COL23A1: variants seen among roughly 807,000 people sequenced by gnomAD.
COL23A1 encodes the protein collagen type XXIII alpha 1 chain, also known as collagen alpha-1(XXIII) chain.
In COL23A1, 97 loss-of-function variants were observed where a neutral mutation model predicts 99.3. That is an observed-to-expected ratio of 0.98 (90% CI 0.83 to 1.16). The LOEUF is 1.16. COL23A1 is among the 50% of genes most tolerant of loss of function. COL23A1 has a pLI of 0.00. For missense variants in COL23A1, 762 were observed against 757.4 expected (o/e 1.01, Z -0.07); for synonymous variants, 320 against 308.2 (o/e 1.04, Z -0.40).
In COL23A1 at chr5:178,589,816, A is replaced by G; in HGVS notation, c.294+88T>C. 8.6e-7 allele frequency: 1 copy of G among 1,168,422 alleles called. No homozygotes were observed. The highest frequency in any genetic ancestry group is 1.1e-6 in the Non-Finnish European group (1 of 930,644). The allele number at this position is 1,168,422 out of a possible 1,614,324, so 72.4% of individuals were successfully genotyped here. A position where few individuals can be genotyped will look rare whatever the true frequency, so the allele number is the denominator to read the frequency against. ...CCGGCGGGCGACCCTCCTCCCAGAGACCTGCACGCTGCCCCCGGCTCCCAG... is the reference window on the plus strand; with the variant it reads ...CCGGCGGGCGACCCTCCTCCCAGAGGCCTGCACGCTGCCCCCGGCTCCCAG... On this transcript the variant is annotated intron_variant, in intron 1 of 28. Transcript: ENST00000390654. The surrounding 1 kb of genome is among the most constrained non-coding windows in gnomAD (Gnocchi z 5.4).
chr5:178,322,585 G>A (rs898186291), intron 2 of COL23A1, among the ~76,000 whole-genome samples: 3 of 45,680 alleles, frequency 6.6e-5, no homozygotes, highest in African/African-American at 3.6e-4. Flanking sequence ...GCTGCCAAAC[G>A]AGCTGGCTCC....
chr5:178,371,712 C>T (rs1162548025), intron 2 of COL23A1, among the ~76,000 whole-genome samples: 1 of 152,200 alleles, frequency 6.6e-6, no homozygotes, highest in South Asian at 2.1e-4. Context: ...GGTCCCTCTT[C>T]CCGATGGTGA....
rs115637312 is a variant in COL23A1 at position 178,366,370 on chromosome 5, G to A, written c.362-59451C>T. On this transcript the variant is annotated intron_variant, in intron 2 of 28. Coordinates refer to ENST00000390654, the MANE Select transcript of COL23A1 (RefSeq NM_173465.4). The surrounding 1 kb of genome is among the most constrained non-coding windows in gnomAD (Gnocchi z 4.4). ...TTAGCTTGACTCCAGGTGCCCTGCT[G>A]GTGTGGCTCCACCTGGTCGCTGGGG... Among the ~76,000 whole-genome samples, 724 of 152,326 alleles carry A rather than the reference G, an allele frequency of 4.8e-3. 6 individuals carry two copies. Among genetic ancestry groups the A allele is most frequent in the African/African-American group, 0.013 (559 of 41,574 alleles).
In COL23A1 at chr5:178,257,522, C is replaced by T. The variant is rs74604964; in HGVS notation, c.774+1G>A. 1 of 1,566,692 alleles carries T rather than the reference C, an allele frequency of 6.4e-7. No individual in the cohort carries two copies. Among genetic ancestry groups the T allele is most frequent in the Non-Finnish European group, 8.7e-7 (1 of 1,155,332 alleles). On this transcript the variant is annotated splice_donor_variant, in intron 13 of 28. Transcript: ENST00000390654. LOFTEE classifies it high-confidence loss of function. ...CCACGAGAGGAGGGGCAGATACTCA[C>T]CTTGGGCCCTGGTGGTCCAGGCTGG...
At chr5:178,247,648 T>G in intron 21 of COL23A1, 96 bp from the exon 22 acceptor site, 1 of 1,564,488 alleles carries the variant, frequency 6.4e-7, no homozygotes, top group South Asian at 1.1e-5. Flanking sequence ...CTCTGCCCTC[T>G]GCCCATGTGC....
At chr5:178,393,874 G>T (rs764823573) in intron 2 of COL23A1, among the ~76,000 whole-genome samples, 1 of 152,118 alleles carries the variant, frequency 6.6e-6, no homozygotes, top group Non-Finnish European at 1.5e-5. Context: ...TAATCCACCT[G>T]CTTTGGCCTC....
At chr5:178,261,619 G>A (rs1431038722) in intron 11 of COL23A1, 103 bp downstream of exon 11, 1 of 789,132 alleles carries the variant, frequency 1.3e-6, no homozygotes, top group East Asian at 2.5e-5. Flanking sequence ...CTGCTGCCTT[G>A]GCTTCACTAG....
chr5:178,240,970 G>C (rs568814953), intron 27 of COL23A1, among the ~76,000 whole-genome samples: 2 of 152,350 alleles, frequency 1.3e-5, no homozygotes, highest in East Asian at 3.9e-4. Context: ...GCAGGGCACA[G>C]TGGCTCACAC....
chr5:178,321,091 A>T (rs541646068), intron 2 of COL23A1, among the ~76,000 whole-genome samples: 1 of 152,362 alleles, frequency 6.6e-6, no homozygotes, highest in Non-Finnish European at 1.5e-5. Context: ...TTGGAAGATT[A>T]CACTGTATTT....
intron 2 of COL23A1, among the ~76,000 whole-genome samples, chr5:178,459,255 C>G (rs768903665): frequency 2.6e-5 from 4 of 152,148 alleles, no homozygotes; most frequent in East Asian, 1.9e-4. Flanking sequence ...TTTTAAAATG[C>G]CTTTGACTTT....
chr5:178,531,379 G>A (rs1581578780), intron 2 of COL23A1, among the ~76,000 whole-genome samples: 2 of 152,266 alleles, frequency 1.3e-5, no homozygotes, highest in East Asian at 3.9e-4. Context: ...AGTGCTCTCC[G>A]CATGACCTGC....
intron 2 of COL23A1, among the ~76,000 whole-genome samples, chr5:178,401,870 C>T (rs555027994): frequency 1.8e-4 from 28 of 152,236 alleles, no homozygotes; most frequent in African/African-American, 6.7e-4. Context: ...GGCTGGAGTG[C>T]AATGGCGCAA....
Position 178,238,678 on chromosome 5 carries a change from G to A in COL23A1, c.*20C>T. 1.2e-6 allele frequency: 2 copies of A among 1,612,174 alleles called. No homozygotes were observed. Among genetic ancestry groups the A allele is most frequent in the South Asian group, 2.2e-5 (2 of 90,998 alleles). On this transcript the variant is annotated 3_prime_UTR_variant, in exon 29 of 29. Coordinates refer to ENST00000390654, the MANE Select transcript of COL23A1 (RefSeq NM_173465.4). ...AAAATGTCCACACGGATCTGTACAG[G>A]TGTGAGCTGGGCCTGTGGGTCACTG...
intron 2 of COL23A1, among the ~76,000 whole-genome samples, chr5:178,485,213 C>T (rs1358352981): frequency 1.3e-5 from 2 of 152,322 alleles, no homozygotes; most frequent in East Asian, 3.9e-4. Flanking sequence ...TGGCTCACGC[C>T]TGTAATCCCA....
chr5:178,257,024 G>C (rs1052936851), intron 13 of COL23A1, 96 bp from the exon 14 acceptor site: 1 of 1,064,066 alleles, frequency 9.4e-7, no homozygotes, highest in Admixed American at 2.1e-5. Context: ...GAAGCCTCGC[G>C]ATTAGGCCTC....
intron 2 of COL23A1, among the ~76,000 whole-genome samples, chr5:178,534,769 A>C (rs934370899): frequency 6.6e-6 from 1 of 151,894 alleles, no homozygotes; most frequent in Non-Finnish European, 1.5e-5. Flanking sequence ...ACAGAGCAAG[A>C]CTCCAAAAAA....
At chr5:178,293,950 G>A (rs1009827634) in intron 3 of COL23A1, among the ~76,000 whole-genome samples, 4 of 152,066 alleles carry the variant, frequency 2.6e-5, no homozygotes, top group Non-Finnish European at 5.9e-5. Context: ...GGGCTTCTAC[G>A]TGGCTATCAA....
At chr5:178,256,010 C>T (rs890805) in intron 15 of COL23A1, 105,920 of 231,212 alleles carry the variant, frequency 0.46, 25,266 homozygotes, top group Admixed American at 0.55. Context: ...AGGCCTGGCC[C>T]ACTGTGGCAG....
chr5:178,523,117 A>T (rs1760044143), intron 2 of COL23A1, among the ~76,000 whole-genome samples: 1 of 147,950 alleles, frequency 6.8e-6, no homozygotes, highest in Non-Finnish European at 1.5e-5. Flanking sequence ...CCTGACCAAC[A>T]TGATGAAACT....
Sources: gnomAD v4.1 joint callset for allele counts (sites outside exome capture counted in the v4.1 genomes callset) on GRCh38, gnomAD v4.1.1 for gene constraint, Gnocchi (gnomAD v3.1) non-coding constraint, MANE v1.5 for transcripts, NCBI Gene and HGNC (gene_info 2026-07-23, HGNC 2026-07-21) for gene names.